The following AREL1 variants were observed in gnomAD, a reference collection of about 807,000 sequenced individuals.
The protein encoded by AREL1 is apoptosis resistant E3 ubiquitin protein ligase 1.
In AREL1, 62 loss-of-function variants were observed where a neutral mutation model predicts 99.0. The observed-to-expected ratio is 0.63, with a 90% CI of 0.51 to 0.77. The LOEUF is 0.77. Among genes scored for constraint, AREL1 ranks in the 30% least tolerant of loss-of-function variants. The pLI is 0.00. For synonymous variants in AREL1, 380 were observed against 376.5 expected (o/e 1.01, Z -0.11); for missense variants, 879 against 1,027.6 (o/e 0.86, Z 1.98).
chr14:74,667,205 T>C (rs2139858941), intron 17 of AREL1, 114 bp downstream of exon 17: 1 of 1,229,328 alleles, frequency 8.1e-7, no homozygotes, highest in Non-Finnish European at 1.2e-6. Context: ...TGAAACCACC[T>C]CTTGCATAAA....
chr14:74,665,055 T>A, intron 17 of AREL1, 130 bp from the exon 18 acceptor site: 1 of 645,120 alleles, frequency 1.6e-6, no homozygotes, highest in Non-Finnish European at 2.7e-6. Flanking sequence ...GAAGGTGAGG[T>A]CATAATGCCA....
chr14:74,681,732 T>C (rs1393311567), intron 5 of AREL1, among the ~76,000 whole-genome samples: 1 of 140,268 alleles, frequency 7.1e-6, no homozygotes, highest in Non-Finnish European at 1.5e-5. Context: ...ATGGCACCAC[T>C]ACACTCCAGC....
At chr14:74,672,009 G>A (rs1294078197) in intron 11 of AREL1, 1 of 455,362 alleles carries the variant, frequency 2.2e-6, no homozygotes, top group Non-Finnish European at 4.4e-6. Flanking sequence ...CAGGAACCAA[G>A]CCTTCTCATT....
chr14:74,664,987 C>A, intron 17 of AREL1, 62 bp from the exon 18 acceptor site: 1 of 1,380,014 alleles, frequency 7.2e-7, no homozygotes, highest in South Asian at 1.2e-5. Context: ...AATATAAGGT[C>A]AAAATTACCT....
rs915257316 is a variant in AREL1 at position 74,662,478 on chromosome 14, T to C, written c.*1242A>G. ...GAAATTATTTTCAATCAAACAGTAA[T>C]GAAAAAGGATGTTGTCATCTTCCAA... On this transcript the variant is annotated 3_prime_UTR_variant, in exon 20 of 20. Coordinates refer to ENST00000356357, the MANE Select transcript of AREL1 (RefSeq NM_001039479.2). The C allele has an allele frequency of 7.5e-6, 3 of 398,622 alleles. No individual in the cohort carries two copies. Among genetic ancestry groups the C allele is most frequent in the Non-Finnish European group, 8.9e-6 (2 of 225,960 alleles). The allele number at this position is 398,622 out of a possible 1,614,324, so 24.7% of individuals were successfully genotyped here.
intron 5 of AREL1, among the ~76,000 whole-genome samples, chr14:74,680,822 G>A (rs2089611001): frequency 6.6e-6 from 1 of 152,100 alleles, no homozygotes; most frequent in African/African-American, 2.4e-5. Flanking sequence ...CAGATTTTTG[G>A]CCTAGGGTGC....
intron 1 of AREL1, among the ~76,000 whole-genome samples, chr14:74,704,907 G>C (rs905501224): frequency 6.6e-6 from 1 of 152,014 alleles, no homozygotes; most frequent in Admixed American, 6.6e-5. Flanking sequence ...AAATCCTCTC[G>C]TCAAATTTTT....
intron 5 of AREL1, among the ~76,000 whole-genome samples, chr14:74,680,370 T>C (rs1237025959): frequency 2.0e-5 from 3 of 152,146 alleles, no homozygotes; most frequent in African/African-American, 7.2e-5. Flanking sequence ...ACTACACACT[T>C]ATCACAATGG....
chr14:74,694,303 C>T (rs1474907033), intron 1 of AREL1, among the ~76,000 whole-genome samples: 1 of 152,240 alleles, frequency 6.6e-6, no homozygotes, highest in East Asian at 1.9e-4. Flanking sequence ...TATACGTAAG[C>T]TATAAGAGAG....
Position 74,662,670 on chromosome 14 carries a change from C to T in AREL1, c.*1050G>A, listed in dbSNP as rs762187508. 28 of 398,384 alleles carry T rather than the reference C, an allele frequency of 7.0e-5. No homozygotes were observed. The highest frequency in any genetic ancestry group is 1.2e-4 in the Non-Finnish European group (26 of 226,054). 24.7% of individuals were successfully genotyped at this position (398,384 alleles called of 1,614,324 possible). On this transcript the variant is annotated 3_prime_UTR_variant, in exon 20 of 20. Coordinates refer to ENST00000356357, the MANE Select transcript of AREL1 (RefSeq NM_001039479.2). ...TCCATGTTCATCCCTAGTGTCCTGA[C>T]GCCAAGGACCTGTGATAAGCACGTA...
Position 74,712,826 on chromosome 14 carries a change from G to A in AREL1, c.-334+107C>T, listed in dbSNP as rs1158172644. On this transcript the variant is annotated intron_variant, in intron 1 of 19. Coordinates refer to ENST00000356357, the MANE Select transcript of AREL1 (RefSeq NM_001039479.2). ...GAGAATGTGTTCCCCCAAACTACTGGGCAAACCAGGAGTCTGAACCCCCCT... is the reference window on the plus strand; with the variant it reads ...GAGAATGTGTTCCCCCAAACTACTGAGCAAACCAGGAGTCTGAACCCCCCT... 2.7e-5 allele frequency: 11 copies of A among 407,244 alleles called. No homozygotes were observed. The East Asian group carries it at 6.0e-4, about 22-fold the overall frequency. The allele number at this position is 407,244 out of a possible 1,614,324, so 25.2% of individuals were successfully genotyped here.
intron 12 of AREL1, 85 bp from the exon 13 acceptor site, chr14:74,670,956 C>T: frequency 1.9e-6 from 2 of 1,058,864 alleles, no homozygotes; most frequent in Non-Finnish European, 2.9e-6. Flanking sequence ...TTTATACTCT[C>T]CACATTCCCT....
chr14:74,684,355 A>G (rs1405485431), intron 4 of AREL1, 99 bp downstream of exon 4: 4 of 1,085,438 alleles, frequency 3.7e-6, no homozygotes, highest in Middle Eastern at 2.8e-4. Context: ...GGAGTTGAAA[A>G]ACAAGAGAAA....
At chr14:74,708,640 A>G (rs1489748432) in intron 1 of AREL1, among the ~76,000 whole-genome samples, 20 of 152,212 alleles carry the variant, frequency 1.3e-4, no homozygotes, top group Admixed American at 1.2e-3. Context: ...AAAAAGTACA[A>G]TATATAGAAA....
rs530783578 is a variant in AREL1, at chr14:74,713,049, T to C, written c.-450A>G. The C allele has an allele frequency of 6.9e-7, 1 of 1,443,582 alleles. No individual in the cohort carries two copies. Among genetic ancestry groups the C allele is most frequent in the Admixed American group, 1.7e-5 (1 of 58,566 alleles). 89.4% of individuals were successfully genotyped at this position (1,443,582 alleles called of 1,614,324 possible). A position where few individuals can be genotyped will look rare whatever the true frequency, so the allele number is the denominator to read the frequency against. On this transcript the variant is annotated 5_prime_UTR_variant, in exon 1 of 20. Transcript: ENST00000356357. ...CCACCAACAGACCCCAGAGTTGGTC[T>C]CCACCCGGCCTGGGAACCGGCTCGG...
At chr14:74,683,205 A>T in intron 5 of AREL1, 91 bp downstream of exon 5, 1 of 883,174 alleles carries the variant, frequency 1.1e-6, no homozygotes, top group Non-Finnish European at 1.7e-6. Flanking sequence ...ATTAAATCTC[A>T]ATAAAGGTAT....
In AREL1 at chr14:74,661,479, G is replaced by A. The variant is rs190203219; in HGVS notation, c.*2241C>T. On this transcript the variant is annotated 3_prime_UTR_variant, in exon 20 of 20. Coordinates refer to ENST00000356357, the MANE Select transcript of AREL1 (RefSeq NM_001039479.2). ...GCCCCCCAAGTACCTGGGTCACAAG[G>A]ACATAAATAAAAGAACTGGCCAAAA... 6.6e-6 allele frequency: 2 copies of A among 303,510 alleles called. No individual in the cohort carries two copies. The highest frequency in any genetic ancestry group is 9.0e-5 in the Admixed American group (2 of 22,102). The allele number at this position is 303,510 out of a possible 1,614,324, so 18.8% of individuals were successfully genotyped here.
chr14:74,680,663 A>T (rs1320625474), intron 5 of AREL1, among the ~76,000 whole-genome samples: 1 of 152,268 alleles, frequency 6.6e-6, no homozygotes, highest in Non-Finnish European at 1.5e-5. Flanking sequence ...ACAGATGAAT[A>T]GTTAAACAAA....
chr14:74,694,148 C>CT (rs922039436), intron 1 of AREL1, among the ~76,000 whole-genome samples: 2 of 151,980 alleles, frequency 1.3e-5, no homozygotes, highest in African/African-American at 4.8e-5. Context: ...GCACTCCACC[C>CT]TGGGCAACAG....
Sources: allele counts gnomAD v4.1 joint callset (sites outside exome capture counted in the v4.1 genomes callset), GRCh38; gene constraint gnomAD v4.1.1; transcripts MANE v1.5; gene names NCBI Gene and HGNC (gene_info 2026-07-23, HGNC 2026-07-21).